TXLNB: variants seen among roughly 807,000 people sequenced by gnomAD.
The protein encoded by TXLNB is beta-taxilin.
Under a neutral mutation model 57.4 loss-of-function variants are expected in TXLNB, and 37 were observed. The ratio of observed to expected loss-of-function variants is 0.64; its 90% CI spans 0.50 to 0.85. The LOEUF (loss-of-function observed/expected upper bound fraction) is 0.85. TXLNB is among the 40% of genes least tolerant of loss of function. TXLNB has a pLI of 0.00. For synonymous variants in TXLNB, 302 were observed against 309.6 expected (o/e 0.98, Z 0.26); for missense variants, 848 against 825.6 (o/e 1.03, Z -0.33).
intron 8 of TXLNB, chr6:139,245,533 A>G (rs1004920674): frequency 1.3e-5 from 2 of 152,222 alleles, no homozygotes; most frequent in Admixed American, 1.3e-4. Context: ...TGGATGAAAC[A>G]TAGCTGGGCA....
At chr6:139,288,358 T>C (rs1348301424) in intron 2 of TXLNB, 118 bp downstream of exon 2, 37 of 987,984 alleles carry the variant, frequency 3.7e-5, no homozygotes, top group Non-Finnish European at 5.4e-5. Context: ...AGGGAAAATA[T>C]AGAAGGCTAC....
chr6:139,164,643 A>G, the TXLNB span, among the ~76,000 whole-genome samples: 1 of 152,182 alleles, frequency 6.6e-6, no homozygotes, highest in African/African-American at 2.4e-5. Flanking sequence ...ATAAAATCCT[A>G]CGGAAATGCA....
At chr6:139,208,316 CA>C in the TXLNB span, among the ~76,000 whole-genome samples, 5 of 151,970 alleles carry the variant, frequency 3.3e-5, no homozygotes, top group East Asian at 5.8e-4. Context: ...AAATTACCAA[CA>C]AAAAAAGTAC....
chr6:139,222,750 T>C, the TXLNB span, among the ~76,000 whole-genome samples: 10 of 152,188 alleles, frequency 6.6e-5, no homozygotes, highest in African/African-American at 2.4e-4. Flanking sequence ...GAGATCGCAG[T>C]GAGCCGAGAT....
the TXLNB span, chr6:139,179,977 A>T: frequency 6.6e-6 from 1 of 152,192 alleles, no homozygotes; most frequent in African/African-American, 2.4e-5. Flanking sequence ...TGCTTTAGTG[A>T]GAGGACAATT....
the TXLNB span, among the ~76,000 whole-genome samples, chr6:139,317,232 A>G: frequency 6.6e-6 from 1 of 152,184 alleles, no homozygotes; most frequent in African/African-American, 2.4e-5. Context: ...TAGAAAAAAA[A>G]AGTCATCTCT....
the TXLNB span, among the ~76,000 whole-genome samples, chr6:139,319,442 CA>C: frequency 7.9e-4 from 120 of 151,354 alleles, no homozygotes; most frequent in African/African-American, 2.6e-3. Context: ...CTCATTCTGT[CA>C]CTCAGGTTGG....
In TXLNB at chr6:139,243,199, G is replaced by A. The variant is rs776892381; in HGVS notation, c.1382C>T (p.Ala461Val). 3.7e-6 allele frequency: 6 copies of A among 1,614,068 alleles called. No individual in the cohort carries two copies. The highest frequency in any genetic ancestry group is 1.3e-5 in the African/African-American group (1 of 74,996). ...TTGGTCATCCTTTTCAGATATTTCT[G>A]CGTCTCTGATTTTTTTGTGGAGTTC... is the stretch of plus-strand genomic sequence containing the variant. ...RNELHKKIRD[A>V]EISEKDDQSQ... The change falls in exon 10 of 10, where the codon GCA (alanine) becomes GTA (valine). Residue 461 changes from alanine to valine, a missense_variant. Physicochemically the swap from Ala to Val is moderately conservative, Grantham distance 64. Transcript: ENST00000358430.
the TXLNB span, among the ~76,000 whole-genome samples, chr6:139,299,338 A>G: frequency 1.1e-4 from 16 of 152,212 alleles, no homozygotes; most frequent in Admixed American, 9.2e-4. Flanking sequence ...GTTCCCTGTA[A>G]GAAACTTGGG....
At chr6:139,210,013 A>G in the TXLNB span, among the ~76,000 whole-genome samples, 1 of 152,176 alleles carries the variant, frequency 6.6e-6, no homozygotes, top group African/African-American at 2.4e-5. Flanking sequence ...AAACAAATCA[A>G]CAAGAAAAAA....
chr6:139,174,333 G>C, the TXLNB span: 1 of 1,555,702 alleles, frequency 6.4e-7, no homozygotes, highest in African/African-American at 1.4e-5. Context: ...CCTTGGAGAT[G>C]AAATGTGATT....
At chr6:139,286,145 AT>A (rs1384406438) in intron 2 of TXLNB, among the ~76,000 whole-genome samples, 2 of 152,044 alleles carry the variant, frequency 1.3e-5, no homozygotes, top group Non-Finnish European at 2.9e-5. Context: ...AAAAATAAAA[AT>A]ATTAGAAAAA....
chr6:139,217,449 A>C, the TXLNB span, among the ~76,000 whole-genome samples: 1 of 152,228 alleles, frequency 6.6e-6, no homozygotes, highest in Non-Finnish European at 1.5e-5. Context: ...GTAAATATTT[A>C]ATGCATAATA....
At chr6:139,285,984 T>C (rs1777163295) in intron 2 of TXLNB, among the ~76,000 whole-genome samples, 1 of 148,088 alleles carries the variant, frequency 6.8e-6, no homozygotes. Context: ...TTGTCAGATT[T>C]TGTTCCCTTT....
chr6:139,321,633 C>CTTTTTTTTTTTT, the TXLNB span, among the ~76,000 whole-genome samples: 1 of 84,362 alleles, frequency 1.2e-5, no homozygotes, highest in Non-Finnish European at 2.1e-5. Flanking sequence ...ACTACTCTCT[C>CTTTTTTTTTTTT]TTTTTTTTTT....
At chr6:139,253,450 G>A (rs561162412) in intron 7 of TXLNB, among the ~76,000 whole-genome samples, 3 of 152,124 alleles carry the variant, frequency 2.0e-5, no homozygotes, top group Admixed American at 6.5e-5. Flanking sequence ...CCTCTCAGGG[G>A]TTGCACGACT....
At chr6:139,178,070 A>ATT in the TXLNB span, 8 of 152,370 alleles carry the variant, frequency 5.3e-5, no homozygotes, top group East Asian at 3.9e-4. Context: ...CCAAAATCAA[A>ATT]GATTTGACCT....
At chr6:139,309,388 C>T in the TXLNB span, among the ~76,000 whole-genome samples, 1 of 152,162 alleles carries the variant, frequency 6.6e-6, no homozygotes, top group African/African-American at 2.4e-5. Flanking sequence ...AACAGTAGAT[C>T]TTGCGTACAC....
At chr6:139,226,476 C>A in the TXLNB span, among the ~76,000 whole-genome samples, 6 of 151,960 alleles carry the variant, frequency 3.9e-5, no homozygotes, top group African/African-American at 1.5e-4. Context: ...TTGATAAATT[C>A]TTTTAATCAA....
Sources: gnomAD v4.1 joint callset for allele counts (sites outside exome capture counted in the v4.1 genomes callset) on GRCh38, gnomAD v4.1.1 for gene constraint, MANE v1.5 for transcripts, NCBI Gene and HGNC (gene_info 2026-07-23, HGNC 2026-07-21) for gene names.